SURF4: variants seen among roughly 807,000 people sequenced by gnomAD.
SURF4 encodes the protein surfeit 4, also known as surfeit locus protein 4.
Under a neutral mutation model 30.0 loss-of-function variants are expected in SURF4, and 3 were observed. The observed-to-expected ratio is 0.10, with a 90% CI of 0.05 to 0.26. SURF4 has a LOEUF of 0.26. Ranked by LOEUF, SURF4 falls within the 10% of genes least tolerant of loss-of-function variation. SURF4 has a pLI of 1.00. For synonymous variants in SURF4, 143 were observed against 139.9 expected (o/e 1.02, Z -0.16); for missense variants, 217 against 350.8 (o/e 0.62, Z 3.05).
intron 1 of SURF4, chr9:133,370,836 G>A (rs2130182959): frequency 7.8e-7 from 1 of 1,277,300 alleles, no homozygotes; most frequent in Non-Finnish European, 1.0e-6. Context: ...GGTGGCTGTT[G>A]ACCTGGCAGG....
chr9:133,376,416 G>T, upstream of SURF4: 2 of 1,491,978 alleles, frequency 1.3e-6, no homozygotes, highest in South Asian at 2.6e-5. Context: ...GGGTCCCACT[G>T]ACCCACGCGG....
chr9:133,370,226 G>A (rs2130177829), intron 1 of SURF4, among the ~76,000 whole-genome samples: 3 of 152,204 alleles, frequency 2.0e-5, no homozygotes, highest in African/African-American at 7.2e-5. Context: ...TCTGGGTCAA[G>A]AGGATTAAAG....
chr9:133,371,822 T>C (rs113457079), intron 1 of SURF4, among the ~76,000 whole-genome samples: 3 of 152,330 alleles, frequency 2.0e-5, no homozygotes, highest in African/African-American at 4.8e-5. Context: ...CTATCCTTGC[T>C]TCCCCAGCAC....
upstream of SURF4, among the ~76,000 whole-genome samples, chr9:133,377,148 AG>A (rs1837994432): frequency 6.6e-6 from 1 of 152,198 alleles, no homozygotes; most frequent in Non-Finnish European, 1.5e-5. Flanking sequence ...AGAGGACTAT[AG>A]GGCGTTGCCA....
At chr9:133,372,339 T>C (rs2130196390) in intron 1 of SURF4, among the ~76,000 whole-genome samples, 42 of 152,240 alleles carry the variant, frequency 2.8e-4, no homozygotes, top group African/African-American at 9.9e-4. Context: ...GAAGGAAAGA[T>C]CAGTCAACCA....
intron 1 of SURF4, chr9:133,371,172 T>G: frequency 1.0e-6 from 1 of 980,676 alleles, no homozygotes; most frequent in Non-Finnish European, 1.2e-6. Flanking sequence ...GGAAAGCAGC[T>G]TGCAAATTCG....
chr9:133,376,338 C>T (rs1017893167), upstream of SURF4: 7 of 1,378,438 alleles, frequency 5.1e-6, no homozygotes, highest in African/African-American at 1.1e-4. Flanking sequence ...ACCTGGGGGT[C>T]TGGGGCCAGC....
Position 133,367,280 on chromosome 9 carries a change from G to A in SURF4, c.214C>T (p.Leu72Phe), listed in dbSNP as rs1445960165. 2 of 1,614,052 alleles carry A rather than the reference G, an allele frequency of 1.2e-6. No homozygotes were observed. The highest frequency in any genetic ancestry group is 1.7e-6 in the Non-Finnish European group (2 of 1,180,014). ...GYLLASSFVF[L>F]NLLGQLTGCV... is the part of the protein sequence containing the mutation. ...TCACTCAGCTGTCCCAGCAAGTTGA[G>A]GAAGACGAAGGACGAGGCCAGCAGG... The change falls in exon 2 of 6, where the codon CTC (leucine) becomes TTC (phenylalanine). Residue 72 changes from leucine (L) to phenylalanine (F), a missense_variant. Physicochemically the swap from Leu to Phe is conservative, Grantham distance 22. Transcript: ENST00000371989.
intron 3 of SURF4, 73 bp downstream of exon 3, chr9:133,366,526 C>T (rs1006922783): frequency 1.3e-6 from 2 of 1,530,880 alleles, no homozygotes; most frequent in Non-Finnish European, 1.8e-6. Context: ...ACTGAACCCT[C>T]AAGGATGTCT....
At position 133,361,591 on chromosome 9, in the gene SURF4, T is replaced by C. The variant is rs1836807007; in HGVS notation, c.*1902A>G. Reference sequence around the variant, plus strand: ...TTTCCCACATAAAGCAAAAAAATCTTAGAAATTGTTTTGCCAGAATCAATT... The same window carrying C: ...TTTCCCACATAAAGCAAAAAAATCTCAGAAATTGTTTTGCCAGAATCAATT... On this transcript the variant is annotated 3_prime_UTR_variant, in exon 6 of 6. Transcript: ENST00000371989. 1 of 155,260 alleles carries C rather than the reference T, an allele frequency of 6.4e-6. No homozygotes were observed. The highest frequency in any genetic ancestry group is 1.4e-5 in the Non-Finnish European group (1 of 69,936). The allele number at this position is 155,260 out of a possible 1,614,324, so 9.6% of individuals were successfully genotyped here. A position where few individuals can be genotyped will look rare whatever the true frequency, so the allele number is the denominator to read the frequency against.
At chr9:133,371,673 C>A (rs1230565277) in intron 1 of SURF4, among the ~76,000 whole-genome samples, 1 of 152,210 alleles carries the variant, frequency 6.6e-6, no homozygotes, top group African/African-American at 2.4e-5. Flanking sequence ...GCCTTCTCTC[C>A]CCACTCCTTC....
intron 2 of SURF4, 148 bp downstream of exon 2, chr9:133,367,111 C>T: frequency 9.1e-7 from 1 of 1,100,198 alleles, no homozygotes; most frequent in South Asian, 1.6e-5. Flanking sequence ...AACCGGACTC[C>T]TGGCCTGGCA....
chr9:133,373,708 G>A lies in SURF4; in HGVS notation c.48+2214C>T, dbSNP rs2130211804. On this transcript the variant is annotated intron_variant, in intron 1 of 5. Coordinates refer to ENST00000371989, the MANE Select transcript of SURF4 (RefSeq NM_033161.4). Reference sequence around the variant, plus strand: ...TAAGGCAGGCGGACCACCTGAGGTCGGGAGTTCGAAACCAGCCTGGCCAAC... The same window carrying A: ...TAAGGCAGGCGGACCACCTGAGGTCAGGAGTTCGAAACCAGCCTGGCCAAC... Among the ~76,000 whole-genome samples, 27 of 150,794 alleles carry A rather than the reference G, an allele frequency of 1.8e-4. No homozygotes were observed. The South Asian group carries it at 4.0e-3, about 22-fold the overall frequency.
chr9:133,376,563 GC>G (rs2130249483), upstream of SURF4: 1 of 1,592,050 alleles, frequency 6.3e-7, no homozygotes, highest in Admixed American at 1.8e-5. Context: ...AGTACCAGGT[GC>G]CGAGTGTTCC....
chr9:133,369,691 T>C (rs1189999735), intron 1 of SURF4, among the ~76,000 whole-genome samples: 1 of 152,170 alleles, frequency 6.6e-6, no homozygotes, highest in Admixed American at 6.5e-5. Flanking sequence ...GCTCTCTAAA[T>C]GCCCAGCAAC....
intron 1 of SURF4, chr9:133,367,687 C>A (rs1238071669): frequency 7.8e-6 from 9 of 1,146,728 alleles, no homozygotes; most frequent in Middle Eastern, 3.0e-4. Context: ...CATGACTTGA[C>A]GTTAGGCCCT....
chr9:133,366,589 G>A lies in SURF4; in HGVS notation c.312+10C>T, dbSNP rs1163722896. 6.2e-7 allele frequency: 1 copy of A among 1,613,536 alleles called. No homozygotes were observed. Among genetic ancestry groups the A allele is most frequent in the Non-Finnish European group, 8.5e-7 (1 of 1,179,926 alleles). On this transcript the variant is annotated intron_variant, in intron 3 of 5. Coordinates refer to ENST00000371989, the MANE Select transcript of SURF4 (RefSeq NM_033161.4). ...AAGAGAAGGGAGCCCCGACCACGCGGCCCGTGTACCTGCAGAGCTATGATT... is the reference window on the plus strand; with the variant it reads ...AAGAGAAGGGAGCCCCGACCACGCGACCCGTGTACCTGCAGAGCTATGATT...
chr9:133,376,401 C>T, upstream of SURF4: 1 of 1,456,350 alleles, frequency 6.9e-7, no homozygotes, highest in Non-Finnish European at 9.1e-7. Context: ...CGGGGAGGAT[C>T]CCGCGGGTCC....
rs1306600323 is a variant in SURF4 at position 133,371,034 on chromosome 9, G to A, written c.49-3589C>T. The A allele has an allele frequency of 2.0e-5, 25 of 1,274,546 alleles. No individual in the cohort carries two copies. The Admixed American group carries it at 2.8e-4, about 14-fold the overall frequency. The allele number at this position is 1,274,546 out of a possible 1,614,324, so 79.0% of individuals were successfully genotyped here. ...GACGACTGAAGGGGATTTTAGAAAC[G>A]TAATTAATTATATCCACCCTGAGAT... On this transcript the variant is annotated intron_variant, in intron 1 of 5. Coordinates refer to ENST00000371989, the MANE Select transcript of SURF4 (RefSeq NM_033161.4).
Sources: allele counts gnomAD v4.1 joint callset (sites outside exome capture counted in the v4.1 genomes callset), GRCh38; gene constraint gnomAD v4.1.1; transcripts MANE v1.5; gene names NCBI Gene and HGNC (gene_info 2026-07-23, HGNC 2026-07-21).